INPP5A: variants seen among roughly 807,000 people sequenced by gnomAD.
The protein encoded by INPP5A is 43 kDa inositol polyphosphate 5-phophatase.
A neutral mutation model predicts 65.2 loss-of-function variants in INPP5A; 14 were observed. That is an observed-to-expected ratio of 0.21 (90% CI 0.14 to 0.34). The LOEUF (loss-of-function observed/expected upper bound fraction) is 0.34, where lower values mean the gene tolerates loss of function less well. Among genes scored for constraint, INPP5A ranks in the 10% least tolerant of loss-of-function variants. INPP5A has a pLI of 1.00. For missense variants in INPP5A, 431 were observed against 545.6 expected (o/e 0.79, Z 2.09); for synonymous variants, 207 against 208.3 (o/e 0.99, Z 0.05).
In INPP5A at chr10:132,603,941, G is replaced by T. The variant is rs181622073; in HGVS notation, c.76-3974G>T. Among the ~76,000 whole-genome samples, 1 of 150,652 alleles carries T rather than the reference G, an allele frequency of 6.6e-6. No individual in the cohort carries two copies. The highest frequency in any genetic ancestry group is 1.5e-5 in the Non-Finnish European group (1 of 67,682). On this transcript the variant is annotated intron_variant, in intron 1 of 15. Coordinates refer to ENST00000368594, the MANE Select transcript of INPP5A (RefSeq NM_005539.5). The surrounding 1 kb of genome is among the most constrained non-coding windows in gnomAD (Gnocchi z 4.2). ...TCCCCTCTCCGTCCAGCCCTGCGCC[G>T]TCAAGGTCCCCTCTCCGTCCCGCCC...
chr10:132,656,815 C>T (rs1219198284), intron 4 of INPP5A, among the ~76,000 whole-genome samples: 5 of 152,170 alleles, frequency 3.3e-5, no homozygotes, highest in Admixed American at 6.5e-5. Flanking sequence ...TCAGGTGGCC[C>T]GGAGGCGTGT....
intron 4 of INPP5A, among the ~76,000 whole-genome samples, chr10:132,654,933 G>A (rs764189652): frequency 5.9e-5 from 9 of 152,350 alleles, no homozygotes; most frequent in Admixed American, 1.3e-4. Context: ...GTTTCCTACC[G>A]GAGATGATCA....
rs1272494026 is a variant in INPP5A at position 132,650,897 on chromosome 10, G to T, written c.306+392G>T. On this transcript the variant is annotated intron_variant, in intron 4 of 15. Coordinates refer to ENST00000368594, the MANE Select transcript of INPP5A (RefSeq NM_005539.5). This position sits in a 1 kb window ranked among gnomAD's most constrained non-coding sequence, Gnocchi z 5.5. ...CCACCGTCGCCAGCCCTGCTCCCATGCTGGGTCCGTCCCTTCCTGATCCCT... is the reference window on the plus strand; with the variant it reads ...CCACCGTCGCCAGCCCTGCTCCCATTCTGGGTCCGTCCCTTCCTGATCCCT... Among the ~76,000 whole-genome samples, 1 of 152,230 alleles carries T rather than the reference G, an allele frequency of 6.6e-6. No individual in the cohort carries two copies. Among genetic ancestry groups the T allele is most frequent in the African/African-American group, 2.4e-5 (1 of 41,466 alleles).
intron 1 of INPP5A, among the ~76,000 whole-genome samples, chr10:132,570,993 C>G (rs944576796): frequency 2.0e-5 from 3 of 152,240 alleles, no homozygotes; most frequent in African/African-American, 7.2e-5. Context: ...ACGAGGCACT[C>G]CCTCCCCACC....
At chr10:132,563,773 T>C (rs530083522) in intron 1 of INPP5A, among the ~76,000 whole-genome samples, 1 of 152,204 alleles carries the variant, frequency 6.6e-6, no homozygotes, top group Non-Finnish European at 1.5e-5. Flanking sequence ...TGGTTTTCCT[T>C]GCGCTTGCTG....
At chr10:132,688,712 C>G (rs967054532) in intron 4 of INPP5A, among the ~76,000 whole-genome samples, 3 of 145,718 alleles carry the variant, frequency 2.1e-5, no homozygotes, top group Non-Finnish European at 3.0e-5. Context: ...CAAGTGTGAA[C>G]AAGTGCATTG....
intron 8 of INPP5A, among the ~76,000 whole-genome samples, chr10:132,724,672 G>T (rs1845953285): frequency 6.6e-6 from 1 of 151,072 alleles, no homozygotes; most frequent in Non-Finnish European, 1.5e-5. Context: ...GAGGCCCCAG[G>T]ACGACAGGAG....
At chr10:132,589,974 C>T (rs2071597211) in intron 1 of INPP5A, among the ~76,000 whole-genome samples, 1 of 152,232 alleles carries the variant, frequency 6.6e-6, no homozygotes, top group African/African-American at 2.4e-5. Context: ...ATGTGCAATG[C>T]CATGCCAGGC....
chr10:132,733,948 C>T (rs1846131399), intron 9 of INPP5A, among the ~76,000 whole-genome samples: 1 of 152,228 alleles, frequency 6.6e-6, no homozygotes, highest in Non-Finnish European at 1.5e-5. Flanking sequence ...ATCCTGGGCT[C>T]TCCCGGACCT....
In INPP5A at chr10:132,780,879, G is replaced by T; in HGVS notation, c.1120G>T (p.Asp374Tyr). ...SESEEKVVTY[D>Y]HIGPNVCMGD... ...GAGCGAGGAGAAGGTTGTCACCTAT[G>T]ACCACATTGGGCCCAACGTCTGCAT... The change falls in exon 14 of 16, where the codon GAC (aspartate) becomes TAC (tyrosine). Residue 374 changes from aspartate (D) to tyrosine (Y), a missense_variant. By Grantham distance (160) the Asp-to-Tyr change is radical. Transcript: ENST00000368594. 1 of 1,608,570 alleles carries T rather than the reference G, an allele frequency of 6.2e-7. No individual in the cohort carries two copies. The highest frequency in any genetic ancestry group is 1.1e-5 in the South Asian group (1 of 90,984).
At chr10:132,778,436 A>G (rs1368055667) in intron 13 of INPP5A, among the ~76,000 whole-genome samples, 1 of 150,998 alleles carries the variant, frequency 6.6e-6, no homozygotes, top group Non-Finnish European at 1.5e-5. Context: ...TACCCAGACT[A>G]CAGGCAGGAG....
chr10:132,611,537 C>CA (rs2071950724), intron 2 of INPP5A, among the ~76,000 whole-genome samples: 3 of 132,782 alleles, frequency 2.3e-5, no homozygotes, highest in Non-Finnish European at 4.8e-5. Flanking sequence ...GAGGCCCTGT[C>CA]AGGGGAGGGT....
intron 2 of INPP5A, among the ~76,000 whole-genome samples, chr10:132,623,798 A>G (rs969939224): frequency 2.6e-5 from 4 of 152,242 alleles, no homozygotes; most frequent in Non-Finnish European, 4.4e-5. Flanking sequence ...TGAAAAGCCA[A>G]TAATAAGAAA....
intron 4 of INPP5A, among the ~76,000 whole-genome samples, chr10:132,669,201 A>C (rs1244462712): frequency 6.6e-6 from 1 of 152,154 alleles, no homozygotes; most frequent in East Asian, 1.9e-4. Flanking sequence ...TGCAGTGAGC[A>C]GACATCGTGC....
rs2133443406 is a variant in INPP5A, at chr10:132,674,563, G to C, written c.307-15829G>C. On this transcript the variant is annotated intron_variant, in intron 4 of 15. Transcript: ENST00000368594. The surrounding 1 kb of genome is among the most constrained non-coding windows in gnomAD (Gnocchi z 4.4). The stretch of plus-strand genomic sequence containing the variant: ...TCGGTGCAGGCTGGGGGAGAGAAGG[G>C]AGGGTGGCGGGAGTGGAGACCATGG... Among the ~76,000 whole-genome samples, 1 of 152,338 alleles carries C rather than the reference G, an allele frequency of 6.6e-6. No individual in the cohort carries two copies. The highest frequency in any genetic ancestry group is 2.1e-4 in the South Asian group (1 of 4,828).
chr10:132,626,695 TACAG>T (rs2072188155), intron 2 of INPP5A, among the ~76,000 whole-genome samples: 1 of 152,222 alleles, frequency 6.6e-6, no homozygotes, highest in Non-Finnish European at 1.5e-5. Context: ...TTAGATTCTT[TACAG>T]ACAGATTGTC....
In INPP5A at chr10:132,749,626, G is replaced by A. The variant is rs752531674; in HGVS notation, c.828+14G>A. ...AACGACCGGAAGGTGAGCGGGGCCT[G>A]TGACTGGGCAGGTGACGCACGGGGC... On this transcript the variant is annotated intron_variant, in intron 10 of 15. Transcript: ENST00000368594. The A allele has an allele frequency of 1.2e-6, 2 of 1,611,818 alleles. No homozygotes were observed. The highest frequency in any genetic ancestry group is 1.7e-6 in the Non-Finnish European group (2 of 1,179,092).
chr10:132,601,510 G>T (rs762035244), intron 1 of INPP5A, among the ~76,000 whole-genome samples: 2 of 152,120 alleles, frequency 1.3e-5, no homozygotes, highest in Non-Finnish European at 2.9e-5. Context: ...TTGATGTCCC[G>T]CTTGTCTGTT....
At chr10:132,610,588 G>A (rs2071931182) in intron 2 of INPP5A, among the ~76,000 whole-genome samples, 2 of 152,232 alleles carry the variant, frequency 1.3e-5, no homozygotes, top group Non-Finnish European at 1.5e-5. Flanking sequence ...GCAGGGCGCA[G>A]GTGTGGTGGG....
Sources: gnomAD v4.1 joint callset for allele counts (sites outside exome capture counted in the v4.1 genomes callset) on GRCh38, gnomAD v4.1.1 for gene constraint, Gnocchi (gnomAD v3.1) non-coding constraint, MANE v1.5 for transcripts, NCBI Gene and HGNC (gene_info 2026-07-23, HGNC 2026-07-21) for gene names.